CSRNP3: variants seen among roughly 807,000 people sequenced by gnomAD.
The protein encoded by CSRNP3 is cysteine and serine rich nuclear protein 3, also known as cysteine/serine-rich nuclear protein 3.
A neutral mutation model predicts 48.0 loss-of-function variants in CSRNP3; 12 were observed. That is an observed-to-expected ratio of 0.25 (90% CI 0.16 to 0.41). The LOEUF is 0.41. CSRNP3 is among the 10% of genes least tolerant of loss of function. The pLI is 1.00. For synonymous variants in CSRNP3, 263 were observed against 269.7 expected, an observed-to-expected ratio of 0.98 and a Z score of 0.24; for missense variants, 580 against 724.4, an observed-to-expected ratio of 0.80 and a Z score of 2.29.
chr2:165,580,379 G>A (rs1052042618), intron 3 of CSRNP3, among the ~76,000 whole-genome samples: 2 of 152,138 alleles, frequency 1.3e-5, no homozygotes, highest in Admixed American at 6.5e-5. Flanking sequence ...TTAATGCAAA[G>A]TCAGCTTCAG....
In CSRNP3 at chr2:165,672,073, T is replaced by G. The variant is rs143933781; in HGVS notation, c.409-4239T>G. 5.4e-4 allele frequency among the ~76,000 whole-genome samples: 83 copies of G among 152,314 alleles called. No homozygotes were observed. In the East Asian group the frequency reaches 7.0e-3, roughly 13 times the overall value. ...GCCATTCAACAAGTCTCTAGGAGAT[T>G]CCAAACTTTCCCACATTTTCCTGTC... is the stretch of plus-strand genomic sequence containing the variant. On this transcript the variant is annotated intron_variant, in intron 5 of 6. Coordinates refer to ENST00000651982, the MANE Select transcript of CSRNP3 (RefSeq NM_001172173.2).
intron 1 of CSRNP3, among the ~76,000 whole-genome samples, chr2:165,472,055 C>G (rs1683902800): frequency 6.6e-6 from 1 of 151,910 alleles, no homozygotes; most frequent in African/African-American, 2.4e-5. Context: ...GCTTTGTCCC[C>G]TTTTCACAAC....
chr2:165,624,675 G>A (rs1002591820), intron 4 of CSRNP3, among the ~76,000 whole-genome samples: 4 of 152,014 alleles, frequency 2.6e-5, no homozygotes, highest in Non-Finnish European at 4.4e-5. Flanking sequence ...TACAGCCCAC[G>A]AAGAAAGCAA....
intron 1 of CSRNP3, among the ~76,000 whole-genome samples, chr2:165,477,212 C>G (rs1683973822): frequency 6.6e-6 from 1 of 151,690 alleles, no homozygotes; most frequent in African/African-American, 2.4e-5. Flanking sequence ...AAAAAATATT[C>G]TATGATTAAA....
intron 4 of CSRNP3, among the ~76,000 whole-genome samples, chr2:165,610,977 C>T (rs188309299): frequency 1.3e-5 from 2 of 152,060 alleles, no homozygotes; most frequent in Non-Finnish European, 2.9e-5. Context: ...ATCAATAAAG[C>T]ATGAATTTTG....
intron 3 of CSRNP3, among the ~76,000 whole-genome samples, chr2:165,519,470 C>T (rs146890251): frequency 1.8e-4 from 27 of 152,218 alleles, no homozygotes; most frequent in African/African-American, 4.3e-4. Flanking sequence ...GCTTGAAGTG[C>T]GCAGCACTGT....
chr2:165,496,189 A>AAAGTATTTAATACTTTTAG (rs1380183712), intron 2 of CSRNP3, among the ~76,000 whole-genome samples: 3 of 152,036 alleles, frequency 2.0e-5, no homozygotes, highest in Admixed American at 6.6e-5. Context: ...GAACTTTTAG[A>AAAGTATTTAATACTTTTAG]AAGTATTAAA....
At chr2:165,647,407 G>A (rs1381928589) in intron 4 of CSRNP3, among the ~76,000 whole-genome samples, 2 of 152,042 alleles carry the variant, frequency 1.3e-5, no homozygotes, top group Non-Finnish European at 2.9e-5. Context: ...AAAATGAAAA[G>A]GCAGATACCT....
At chr2:165,585,684 A>G (rs1368731468) in intron 3 of CSRNP3, among the ~76,000 whole-genome samples, 1 of 152,216 alleles carries the variant, frequency 6.6e-6, no homozygotes, top group Non-Finnish European at 1.5e-5. Context: ...AAGAATGCAC[A>G]ATAGATTATT....
At chr2:165,535,507 A>G (rs1684870636) in intron 3 of CSRNP3, among the ~76,000 whole-genome samples, 1 of 151,870 alleles carries the variant, frequency 6.6e-6, no homozygotes, top group Non-Finnish European at 1.5e-5. Context: ...CATTTAGTCT[A>G]CAAATGGACA....
chr2:165,670,974 A>C (rs1459938840), intron 5 of CSRNP3, among the ~76,000 whole-genome samples: 4 of 152,200 alleles, frequency 2.6e-5, no homozygotes, highest in Non-Finnish European at 5.9e-5. Flanking sequence ...TTGAGAAGAG[A>C]GCATTCATTT....
intron 5 of CSRNP3, among the ~76,000 whole-genome samples, chr2:165,666,623 GAAGGAAGT>G (rs1183567235): frequency 2.4e-5 from 2 of 81,856 alleles, no homozygotes; most frequent in East Asian, 8.0e-4. Flanking sequence ...AGAGAGAAAG[GAAGGAAGT>G]AAGGGAGGAA....
chr2:165,649,258 A>G (rs1686866405), intron 4 of CSRNP3, among the ~76,000 whole-genome samples: 1 of 152,214 alleles, frequency 6.6e-6, no homozygotes, highest in African/African-American at 2.4e-5. Flanking sequence ...TTTGTAAACT[A>G]GCAATTTAAA....
intron 3 of CSRNP3, among the ~76,000 whole-genome samples, chr2:165,529,074 C>A (rs1330866168): frequency 6.6e-6 from 1 of 152,220 alleles, no homozygotes; most frequent in African/African-American, 2.4e-5. Flanking sequence ...GAAGGCCCCC[C>A]TGCCCTCACA....
At chr2:165,542,956 C>T (rs1020443891) in intron 3 of CSRNP3, among the ~76,000 whole-genome samples, 3 of 152,040 alleles carry the variant, frequency 2.0e-5, no homozygotes, top group South Asian at 2.1e-4. Flanking sequence ...TCTGTGGTTG[C>T]GTAAGTAGCA....
intron 1 of CSRNP3, among the ~76,000 whole-genome samples, chr2:165,476,199 G>A (rs890380702): frequency 6.6e-5 from 10 of 152,018 alleles, no homozygotes; most frequent in African/African-American, 2.4e-4. Flanking sequence ...TGCTGCTCTG[G>A]GCTCACTTTC....
chr2:165,549,662 A>G (rs1314450731), intron 3 of CSRNP3, among the ~76,000 whole-genome samples: 1 of 152,136 alleles, frequency 6.6e-6, no homozygotes, highest in Non-Finnish European at 1.5e-5. Flanking sequence ...ACTGGGAAGA[A>G]TTGAAGGGGT....
intron 4 of CSRNP3, among the ~76,000 whole-genome samples, chr2:165,625,142 T>C (rs1223947284): frequency 2.0e-5 from 3 of 152,190 alleles, no homozygotes; most frequent in Non-Finnish European, 4.4e-5. Context: ...TTTCCTCATC[T>C]GCAAAATGGG....
At chr2:165,543,122 A>G (rs948959301) in intron 3 of CSRNP3, among the ~76,000 whole-genome samples, 2 of 151,952 alleles carry the variant, frequency 1.3e-5, no homozygotes, top group African/African-American at 4.8e-5. Context: ...ACTCACACTT[A>G]ATTTGAGGCC....
Sources: allele counts gnomAD v4.1 joint callset (sites outside exome capture counted in the v4.1 genomes callset), GRCh38; gene constraint gnomAD v4.1.1; transcripts MANE v1.5; gene names NCBI Gene and HGNC (gene_info 2026-07-23, HGNC 2026-07-21).